KCNJ6: variants seen among roughly 807,000 people sequenced by gnomAD.
KCNJ6 encodes the protein potassium inwardly rectifying channel subfamily J member 6.
Under a neutral mutation model 34.2 loss-of-function variants are expected in KCNJ6, and 9 were observed. That is an observed-to-expected ratio of 0.26 (90% CI 0.16 to 0.46). The LOEUF (loss-of-function observed/expected upper bound fraction) is 0.46. Among genes scored for constraint, KCNJ6 ranks in the 20% least tolerant of loss-of-function variants. The pLI is 1.00. For missense variants in KCNJ6, 236 were observed against 531.3 expected (o/e 0.44, Z 5.46); for synonymous variants, 196 against 207.1 (o/e 0.95, Z 0.46).
Position 37,612,850 on chromosome 21 carries a change from A to G in KCNJ6, c.*12309T>C, listed in dbSNP as rs893702548. On this transcript the variant is annotated 3_prime_UTR_variant, in exon 4 of 4. Coordinates refer to ENST00000609713, the MANE Select transcript of KCNJ6 (RefSeq NM_002240.5). ...CTATACAACTCCTAGAAGGTAACATATAAGAGAAAACTTAGATGACCTTGG... is the reference window on the plus strand; with the variant it reads ...CTATACAACTCCTAGAAGGTAACATGTAAGAGAAAACTTAGATGACCTTGG... The G allele has an allele frequency of 1.5e-5, 1 of 66,182 alleles. No homozygotes were observed. Among genetic ancestry groups the G allele is most frequent in the Non-Finnish European group, 3.7e-5 (1 of 27,066 alleles). The allele number at this position is 66,182 out of a possible 1,614,324, so 4.1% of individuals were successfully genotyped here.
At chr21:37,717,461 T>G (rs575354846) in intron 2 of KCNJ6, among the ~76,000 whole-genome samples, 1 of 151,568 alleles carries the variant, frequency 6.6e-6, no homozygotes, top group Non-Finnish European at 1.5e-5. Context: ...GCCATGTCCT[T>G]CTCACTGGAG....
At chr21:37,683,830 A>AT (rs1176995643) in intron 3 of KCNJ6, among the ~76,000 whole-genome samples, 2 of 152,120 alleles carry the variant, frequency 1.3e-5, no homozygotes, top group African/African-American at 4.8e-5. Flanking sequence ...GAAGTGGCAG[A>AT]GGGAGAAAGG....
At chr21:37,890,659 G>A (rs570775685) in intron 1 of KCNJ6, among the ~76,000 whole-genome samples, 5 of 152,288 alleles carry the variant, frequency 3.3e-5, no homozygotes, top group Admixed American at 1.3e-4. Context: ...TCTGATTTCT[G>A]AGAGTTGAAA....
chr21:37,678,760 C>A (rs1006065636), intron 3 of KCNJ6, among the ~76,000 whole-genome samples: 1 of 152,160 alleles, frequency 6.6e-6, no homozygotes, highest in Admixed American at 6.5e-5. Flanking sequence ...GGCTGAGAGA[C>A]CCACGTAAAC....
intron 2 of KCNJ6, among the ~76,000 whole-genome samples, chr21:37,794,803 G>A (rs2055233272): frequency 6.6e-6 from 1 of 151,764 alleles, no homozygotes; most frequent in African/African-American, 2.4e-5. Flanking sequence ...TAGATGATGG[G>A]TTGACAGGCA....
chr21:37,743,590 T>G (rs1019759694), intron 2 of KCNJ6, among the ~76,000 whole-genome samples: 2 of 152,126 alleles, frequency 1.3e-5, no homozygotes, highest in African/African-American at 4.8e-5. Context: ...TCTCTTACTT[T>G]CTTCCCTCTC....
intron 3 of KCNJ6, among the ~76,000 whole-genome samples, chr21:37,649,985 C>G (rs984619536): frequency 9.9e-5 from 15 of 151,326 alleles, no homozygotes; most frequent in Non-Finnish European, 4.4e-5. Context: ...GGATGGTCTC[C>G]ATCTCCTGAC....
Position 37,731,998 on chromosome 21 carries a change from T to C in KCNJ6, c.26-16867A>G, listed in dbSNP as rs560420141. 1.6e-4 allele frequency among the ~76,000 whole-genome samples: 24 copies of C among 152,268 alleles called. No individual in the cohort carries two copies. The South Asian group carries it at 1.9e-3, about 12-fold the overall frequency. ...CGACTGCAGGGACAGAGGGTGATGA[T>C]GGCTGAAGCTGCAAGACACACTCAT... On this transcript the variant is annotated intron_variant, in intron 2 of 3. Coordinates refer to ENST00000609713, the MANE Select transcript of KCNJ6 (RefSeq NM_002240.5).
chr21:37,723,974 T>C (rs2054840700), intron 2 of KCNJ6, among the ~76,000 whole-genome samples: 1 of 150,830 alleles, frequency 6.6e-6, no homozygotes, highest in Non-Finnish European at 1.5e-5. Flanking sequence ...TGTGTAAAAG[T>C]CTTTAAAGGC....
chr21:37,810,031 C>G (rs1260053363), intron 2 of KCNJ6, among the ~76,000 whole-genome samples: 1 of 152,178 alleles, frequency 6.6e-6, no homozygotes, highest in Non-Finnish European at 1.5e-5. Flanking sequence ...TGCAGCATAG[C>G]CTATCCTACC....
intron 3 of KCNJ6, among the ~76,000 whole-genome samples, chr21:37,683,074 G>A (rs1037296634): frequency 1.2e-4 from 19 of 152,306 alleles, no homozygotes; most frequent in South Asian, 2.1e-4. Context: ...AGTCTCTGGC[G>A]TCAAGCGAGG....
At position 37,621,286 on chromosome 21, in the gene KCNJ6, A is replaced by T. The variant is rs2054289037; in HGVS notation, c.*3873T>A. On this transcript the variant is annotated 3_prime_UTR_variant, in exon 4 of 4. Transcript: ENST00000609713. ...GATTTACTATGAGTATTTTAATTGT[A>T]TTCTCTCAGCAAATCAAATGATTTC... 6.6e-6 allele frequency: 1 copy of T among 152,214 alleles called. No homozygotes were observed. The highest frequency in any genetic ancestry group is 1.9e-4 in the East Asian group (1 of 5,202). The allele number at this position is 152,214 out of a possible 1,614,324, so 9.4% of individuals were successfully genotyped here. A position where few individuals can be genotyped will look rare whatever the true frequency, so the allele number is the denominator to read the frequency against.
rs538985195 is a variant in KCNJ6, at chr21:37,612,307, G to A, written c.*12852C>T. Reference sequence around the variant, plus strand: ...ACTTAAGGTATAAATCTAACAATATGTATAAGATCTACATGAGGAAAACTA... The same window carrying A: ...ACTTAAGGTATAAATCTAACAATATATATAAGATCTACATGAGGAAAACTA... On this transcript the variant is annotated 3_prime_UTR_variant, in exon 4 of 4. Coordinates refer to ENST00000609713, the MANE Select transcript of KCNJ6 (RefSeq NM_002240.5). The A allele has an allele frequency of 9.2e-5, 14 of 152,056 alleles. No homozygotes were observed. Among genetic ancestry groups the A allele is most frequent in the Non-Finnish European group, 1.8e-4 (12 of 67,998 alleles). 9.4% of individuals were successfully genotyped at this position (152,056 alleles called of 1,614,324 possible).
chr21:37,823,297 C>T (rs988941803), intron 2 of KCNJ6, among the ~76,000 whole-genome samples: 1 of 152,202 alleles, frequency 6.6e-6, no homozygotes, highest in Non-Finnish European at 1.5e-5. Context: ...CTTGCAACAA[C>T]ATGGATGAAC....
intron 2 of KCNJ6, among the ~76,000 whole-genome samples, chr21:37,829,844 GC>G (rs1215576491): frequency 1.3e-5 from 2 of 152,198 alleles, no homozygotes. Context: ...GTCCATAGCT[GC>G]CCCAGAGCCG....
intron 2 of KCNJ6, among the ~76,000 whole-genome samples, chr21:37,722,172 G>C (rs950607756): frequency 3.3e-4 from 50 of 152,080 alleles, no homozygotes; most frequent in Admixed American, 4.6e-4. Flanking sequence ...GCTGAGAGCT[G>C]AATCAAGAAT....
chr21:37,846,038 C>T (rs183817164), intron 1 of KCNJ6, among the ~76,000 whole-genome samples: 2 of 151,988 alleles, frequency 1.3e-5, no homozygotes, highest in East Asian at 1.9e-4. Flanking sequence ...AAAAAAACAA[C>T]GTTAAGTGTC....
intron 3 of KCNJ6, among the ~76,000 whole-genome samples, chr21:37,685,719 G>T: frequency 1.6e-5 from 2 of 127,620 alleles, no homozygotes; most frequent in Non-Finnish European, 3.2e-5. Flanking sequence ...TCTATCCTAT[G>T]GATATCAGAG....
At chr21:37,889,643 C>T (rs76385190) in intron 1 of KCNJ6, among the ~76,000 whole-genome samples, 1 of 152,142 alleles carries the variant, frequency 6.6e-6, no homozygotes, top group African/African-American at 2.4e-5. Flanking sequence ...TGCAGGGCCA[C>T]ACTCCCTCTG....
Sources: gnomAD v4.1 joint callset for allele counts (sites outside exome capture counted in the v4.1 genomes callset) on GRCh38, gnomAD v4.1.1 for gene constraint, MANE v1.5 for transcripts, NCBI Gene and HGNC (gene_info 2026-07-23, HGNC 2026-07-21) for gene names.